CHL1: variants seen among roughly 807,000 people sequenced by gnomAD.
CHL1 encodes cell adhesion molecule L1 like, also known as neural cell adhesion molecule L1-like protein.
A neutral mutation model predicts 141.9 loss-of-function variants in CHL1; 96 were observed. That is an observed-to-expected ratio of 0.68 (90% CI 0.57 to 0.80). The LOEUF (loss-of-function observed/expected upper bound fraction) is 0.80. Among genes scored for constraint, CHL1 ranks in the 30% least tolerant of loss-of-function variants. CHL1 has a pLI of 0.00. For missense variants in CHL1, 1,820 were observed against 1,457.2 expected (o/e 1.25, Z -4.05); for synonymous variants, 613 against 502.2 (o/e 1.22, Z -2.95).
At chr3:360,071 T>C (rs1559306681) in intron 11 of CHL1, among the ~76,000 whole-genome samples, 1 of 152,160 alleles carries the variant, frequency 6.6e-6, no homozygotes, top group Non-Finnish European at 1.5e-5. Context: ...TGTTGCTAAA[T>C]ATTAACTTGA....
intron 15 of CHL1, among the ~76,000 whole-genome samples, chr3:377,279 C>T (rs906344461): frequency 6.6e-6 from 1 of 152,140 alleles, no homozygotes; most frequent in Non-Finnish European, 1.5e-5. Flanking sequence ...AAGTCATATG[C>T]TTCAATTGCT....
At chr3:351,812 A>G (rs1322865687) in intron 10 of CHL1, among the ~76,000 whole-genome samples, 1 of 152,148 alleles carries the variant, frequency 6.6e-6, no homozygotes, top group Non-Finnish European at 1.5e-5. Context: ...ACTGCACTTC[A>G]AATCCTATAA....
chr3:210,985 G>C (rs1699858416), intron 1 of CHL1, among the ~76,000 whole-genome samples: 1 of 152,200 alleles, frequency 6.6e-6, no homozygotes, highest in Non-Finnish European at 1.5e-5. Context: ...AGCAGGGTGG[G>C]CTTTTCGGAT....
chr3:340,915 T>C lies in CHL1; in HGVS notation c.507T>C (p.Ile169=). 2.5e-6 allele frequency: 4 copies of C among 1,612,154 alleles called. No homozygotes were observed. Among genetic ancestry groups the C allele is most frequent in the Non-Finnish European group, 3.4e-6 (4 of 1,178,826 alleles). Residue 169 remains isoleucine (I), a splice_region_variant and synonymous_variant, in exon 6 of 28, where the codon ATT becomes ATC. Transcript: ENST00000256509. The stretch of plus-strand genomic sequence containing the variant: ...CTTTACACATTTATTGGATGAATAT[T>C]GGTAAGTAATGCTCCGTTCCATCAA... The part of the protein sequence containing the change: ...LPPLHIYWMN[I]ELEHIEQDER...
At chr3:277,569 C>T (rs551743792) in intron 2 of CHL1, among the ~76,000 whole-genome samples, 44 of 152,194 alleles carry the variant, frequency 2.9e-4, no homozygotes, top group African/African-American at 1.0e-3. Context: ...CCGTTTTAAA[C>T]TATACTCACT....
intron 2 of CHL1, among the ~76,000 whole-genome samples, chr3:272,323 T>C (rs1033968919): frequency 6.6e-6 from 1 of 152,198 alleles, no homozygotes; most frequent in African/African-American, 2.4e-5. Context: ...TTCCTGTCAT[T>C]ATGGTATACT....
At chr3:371,443 C>A (rs997719114) in intron 15 of CHL1, among the ~76,000 whole-genome samples, 1 of 151,978 alleles carries the variant, frequency 6.6e-6, no homozygotes, top group African/African-American at 2.4e-5. Flanking sequence ...CTTTGTTTTG[C>A]TTTCCATTTG....
At chr3:358,869 T>A (rs966462825) in intron 11 of CHL1, among the ~76,000 whole-genome samples, 4 of 151,552 alleles carry the variant, frequency 2.6e-5, no homozygotes, top group Admixed American at 6.6e-5. Flanking sequence ...TTATTAATCT[T>A]GTAATGTCCT....
chr3:275,128 A>G (rs554343953), intron 2 of CHL1, among the ~76,000 whole-genome samples: 2 of 152,306 alleles, frequency 1.3e-5, no homozygotes, highest in African/African-American at 4.8e-5. Flanking sequence ...TATTCTACCT[A>G]TTTACTAGTG....
intron 2 of CHL1, chr3:246,838 C>T (rs1218461935): frequency 1.3e-5 from 2 of 151,954 alleles, no homozygotes; most frequent in South Asian, 2.1e-4. Context: ...TATAATTTAT[C>T]CAAAAGCGAT....
intron 2 of CHL1, among the ~76,000 whole-genome samples, chr3:273,552 T>C (rs1025119303): frequency 6.6e-6 from 1 of 152,214 alleles, no homozygotes; most frequent in Non-Finnish European, 1.5e-5. Flanking sequence ...CAATATTTGC[T>C]TGGAGCTATA....
At position 391,703 on chromosome 3, in the gene CHL1, C is replaced by A; in HGVS notation, c.2820C>A (p.Val940=). The change falls in exon 23 of 28, where the codon GTC becomes GTA. Residue 940 remains valine (V), a synonymous_variant. Transcript: ENST00000256509. ...GVPEQPTFLK[V]IKVDKDTATL... ...CTGAACAGCCAACTTTTCTAAAGGT[C>A]ATCAAAGTTGATAAAGACACTGCCA... 1 of 1,605,196 alleles carries A rather than the reference C, an allele frequency of 6.2e-7. No individual in the cohort carries two copies. Among genetic ancestry groups the A allele is most frequent in the Non-Finnish European group, 8.5e-7 (1 of 1,174,552 alleles).
chr3:295,374 T>A (rs1308039670), intron 2 of CHL1, among the ~76,000 whole-genome samples: 34 of 152,152 alleles, frequency 2.2e-4, no homozygotes, highest in Admixed American at 2.2e-3. Flanking sequence ...AAACATTGCT[T>A]ACCCTTTGAC....
intron 2 of CHL1, among the ~76,000 whole-genome samples, chr3:309,883 T>C (rs926191276): frequency 2.0e-5 from 3 of 152,142 alleles, no homozygotes; most frequent in Admixed American, 6.5e-5. Flanking sequence ...TTATATATAT[T>C]ATCCTTTAAA....
In CHL1 at chr3:279,871, G is replaced by T. The variant is rs149981488; in HGVS notation, c.-95+35179G>T. On this transcript the variant is annotated intron_variant, in intron 2 of 27. Transcript: ENST00000256509. ...TGTATAAATGAAATGCTGAGACAAGGGATAAAATTGCACTTGAGAAGTCAC... is the reference window on the plus strand; with the variant it reads ...TGTATAAATGAAATGCTGAGACAAGTGATAAAATTGCACTTGAGAAGTCAC... 9.5e-4 allele frequency among the ~76,000 whole-genome samples: 145 copies of T among 152,210 alleles called. 1 individual carries two copies. Among genetic ancestry groups the T allele is most frequent in the Middle Eastern group, 3.4e-3 (1 of 294 alleles).
rs1703544532 is a variant in CHL1 at position 354,575 on chromosome 3, C to T, written c.1034-65C>T. The T allele has an allele frequency of 3.3e-6, 5 of 1,537,484 alleles. No homozygotes were observed. In the Admixed American group the frequency reaches 6.0e-5, roughly 18 times the overall value. On this transcript the variant is annotated intron_variant, in intron 10 of 27. Coordinates refer to ENST00000256509, the MANE Select transcript of CHL1 (RefSeq NM_006614.4). ...TGCTGGTGCAAAGTAGAAATACAGGCCTTAACATTTTTGGACTTTTTGACA... is the reference window on the plus strand; with the variant it reads ...TGCTGGTGCAAAGTAGAAATACAGGTCTTAACATTTTTGGACTTTTTGACA...
In CHL1 at chr3:239,053, G is replaced by A. The variant is rs376912989; in HGVS notation, c.-174-5560G>A. On this transcript the variant is annotated intron_variant, in intron 1 of 27. Transcript: ENST00000256509. ...GTCAAGGTTCATATGCTACCACGTGGGGTACTGTGTGATTTCCTCCTGATG... is the reference window on the plus strand; with the variant it reads ...GTCAAGGTTCATATGCTACCACGTGAGGTACTGTGTGATTTCCTCCTGATG... Among the ~76,000 whole-genome samples, 10 of 152,160 alleles carry A rather than the reference G, an allele frequency of 6.6e-5. No individual in the cohort carries two copies. In the East Asian group the frequency reaches 1.5e-3, roughly 23 times the overall value.
intron 5 of CHL1, among the ~76,000 whole-genome samples, chr3:334,749 T>C (rs1418773359): frequency 6.6e-6 from 1 of 152,236 alleles, no homozygotes; most frequent in African/African-American, 2.4e-5. Flanking sequence ...TCTGGGGTTA[T>C]TAAAGCATTT....
At chr3:215,142 T>A (rs544225738) in intron 1 of CHL1, among the ~76,000 whole-genome samples, 41 of 151,988 alleles carry the variant, frequency 2.7e-4, no homozygotes, top group African/African-American at 9.9e-4. Flanking sequence ...TTATTTACAA[T>A]AGCCAAGATA....
Sources: gnomAD v4.1 joint callset for allele counts (sites outside exome capture counted in the v4.1 genomes callset) on GRCh38, gnomAD v4.1.1 for gene constraint, MANE v1.5 for transcripts, NCBI Gene and HGNC (gene_info 2026-07-23, HGNC 2026-07-21) for gene names.